Variants in SWAP70 observed in about 807,000 individuals in gnomAD.
The protein encoded by SWAP70 is switch-associated protein 70.
SWAP70 carries 34 observed loss-of-function variants against 80.2 expected under a neutral mutation model. The observed-to-expected ratio is 0.42, with a 90% CI of 0.32 to 0.56. The LOEUF (loss-of-function observed/expected upper bound fraction) is 0.56. SWAP70 is among the 20% of genes least tolerant of loss of function. The probability of loss-of-function intolerance (pLI) is 0.09; values close to 1 mark genes in which losing one functional copy is unlikely to be tolerated. For missense variants in SWAP70, 578 were observed against 690.7 expected (o/e 0.84, Z 1.83); for synonymous variants, 239 against 238.5 (o/e 1.00, Z -0.02).
chr11:9,749,778 G>A (rs79863114), intron 11 of SWAP70, 86 bp from the exon 12 acceptor site: 40,330 of 792,026 alleles, frequency 0.051, 4,373 homozygotes, highest in East Asian at 0.3. Flanking sequence ...ATAAAGTAGG[G>A]AAGTTACTAT....
intron 3 of SWAP70, chr11:9,720,003 A>G: frequency 1.1e-6 from 1 of 938,132 alleles, no homozygotes; most frequent in African/African-American, 1.8e-5. Flanking sequence ...TTTCTTTGTT[A>G]TTTTTGGTGA....
At chr11:9,666,037 TC>T (rs1206604374) in intron 1 of SWAP70, among the ~76,000 whole-genome samples, 1 of 151,556 alleles carries the variant, frequency 6.6e-6, no homozygotes, top group African/African-American at 2.4e-5. Context: ...TTTTTTTTTT[TC>T]CTCTCTTTTT....
chr11:9,725,567 A>T (rs1320819943), intron 4 of SWAP70, among the ~76,000 whole-genome samples: 901 of 17,214 alleles, frequency 0.052, 43 homozygotes, highest in African/African-American at 0.16. Flanking sequence ...ATATATATAT[A>T]TATTTTTTTT....
intron 3 of SWAP70, among the ~76,000 whole-genome samples, chr11:9,719,496 C>G (rs1054627082): frequency 6.6e-6 from 1 of 151,570 alleles, no homozygotes; most frequent in Non-Finnish European, 1.5e-5. Context: ...TGCAGTGAGC[C>G]GAGATCGTGC....
At chr11:9,687,357 C>T (rs1850645432) in intron 1 of SWAP70, among the ~76,000 whole-genome samples, 1 of 152,190 alleles carries the variant, frequency 6.6e-6, no homozygotes, top group Non-Finnish European at 1.5e-5. Flanking sequence ...TTAAAGGTCC[C>T]AGGAGTTCCA....
intron 2 of SWAP70, among the ~76,000 whole-genome samples, chr11:9,704,362 T>C (rs867523406): frequency 1.5e-4 from 21 of 139,702 alleles, no homozygotes; most frequent in Middle Eastern, 3.7e-3. Flanking sequence ...GACCTGCATC[T>C]TCCCTCTTTT....
chr11:9,732,198 G>A (rs1045590117), intron 6 of SWAP70, among the ~76,000 whole-genome samples: 1 of 152,202 alleles, frequency 6.6e-6, no homozygotes, highest in Non-Finnish European at 1.5e-5. Flanking sequence ...TCTTAAAAAT[G>A]TGTGCAATAT....
chr11:9,732,784 T>G, intron 7 of SWAP70, 74 bp downstream of exon 7: 1 of 1,386,566 alleles, frequency 7.2e-7, no homozygotes, highest in Non-Finnish European at 9.7e-7. Flanking sequence ...CTTAGGGGTG[T>G]TGGTTCTACC....
At position 9,704,744 on chromosome 11, in the gene SWAP70, T is replaced by C. The variant is rs143728682; in HGVS notation, c.241-8722T>C. ...GAGCATTTGCACATAACTGTTAGTC[T>C]GTCTTCCTCCTCGCACTAGAAGCTC... On this transcript the variant is annotated intron_variant, in intron 2 of 11. Coordinates refer to ENST00000318950, the MANE Select transcript of SWAP70 (RefSeq NM_015055.4). Among the ~76,000 whole-genome samples, 1,290 of 152,298 alleles carry C rather than the reference T, an allele frequency of 8.5e-3. 13 individuals carry two copies. Among genetic ancestry groups the C allele is most frequent in the Middle Eastern group, 0.034 (10 of 294 alleles).
At chr11:9,690,325 T>C (rs951847686) in intron 1 of SWAP70, among the ~76,000 whole-genome samples, 6 of 152,186 alleles carry the variant, frequency 3.9e-5, no homozygotes, top group African/African-American at 1.4e-4. Context: ...TTCACGCCTC[T>C]AATCCCAGCA....
At chr11:9,680,657 C>G (rs917691518) in intron 1 of SWAP70, among the ~76,000 whole-genome samples, 1 of 152,142 alleles carries the variant, frequency 6.6e-6, no homozygotes, top group Non-Finnish European at 1.5e-5. Context: ...CTCAGGTGAT[C>G]CACCCGCCAC....
rs766985574 is a variant in SWAP70, at chr11:9,750,285, G to A, written c.*315G>A. 12 of 212,536 alleles carry A rather than the reference G, an allele frequency of 5.6e-5. No individual in the cohort carries two copies. Among genetic ancestry groups the A allele is most frequent in the Non-Finnish European group, 1.1e-4 (11 of 102,166 alleles). The allele number at this position is 212,536 out of a possible 1,614,324, so 13.2% of individuals were successfully genotyped here. The stretch of plus-strand genomic sequence containing the variant: ...GAACGTGGGAGGCGGAGGTTGCAGC[G>A]AGCTGAGATCATGCCGTTGTACTCC... On this transcript the variant is annotated 3_prime_UTR_variant, in exon 12 of 12. Transcript: ENST00000318950.
Position 9,676,104 on chromosome 11 carries a change from C to G in SWAP70, c.99+11826C>G, listed in dbSNP as rs148196247. ...GTGGGGAAACAGACTTCCAGAAACA[C>G]ATTTTCTACTTGCTTTTAAACTTGT... On this transcript the variant is annotated intron_variant, in intron 1 of 11. Transcript: ENST00000318950. Among the ~76,000 whole-genome samples the G allele has an allele frequency of 9.8e-5, 15 of 152,344 alleles. 1 individual carries two copies. The highest frequency in any genetic ancestry group is 2.1e-4 in the Non-Finnish European group (14 of 68,028).
intron 1 of SWAP70, among the ~76,000 whole-genome samples, chr11:9,693,828 C>G (rs1319004501): frequency 4.6e-5 from 7 of 151,954 alleles, no homozygotes; most frequent in Admixed American, 2.6e-4. Flanking sequence ...GACTTCCCCC[C>G]CCACCCCACT....
At chr11:9,730,735 TA>T (rs1475533746) in intron 6 of SWAP70, among the ~76,000 whole-genome samples, 1 of 152,214 alleles carries the variant, frequency 6.6e-6, no homozygotes, top group Non-Finnish European at 1.5e-5. Context: ...TAGTTTTGGG[TA>T]ACTCAGGAAC....
chr11:9,672,937 CTG>C (rs1850437843), intron 1 of SWAP70, among the ~76,000 whole-genome samples: 2 of 152,148 alleles, frequency 1.3e-5, no homozygotes, highest in South Asian at 2.1e-4. Context: ...AACACACAAA[CTG>C]TTTTTTTCTC....
intron 2 of SWAP70, chr11:9,703,254 C>G: frequency 2.4e-6 from 1 of 423,760 alleles, no homozygotes; most frequent in Non-Finnish European, 4.8e-6. Context: ...TATCCTATAA[C>G]AATACTTCAT....
intron 8 of SWAP70, among the ~76,000 whole-genome samples, chr11:9,738,664 C>T (rs1008397122): frequency 4.9e-5 from 6 of 121,428 alleles, no homozygotes; most frequent in African/African-American, 1.6e-4. Flanking sequence ...CCCAGGAGTT[C>T]AAGACCAGCC....
chr11:9,740,139 G>C, intron 8 of SWAP70, 42 bp from the exon 9 acceptor site: 3 of 1,591,524 alleles, frequency 1.9e-6, no homozygotes, highest in South Asian at 2.3e-5. Context: ...CCCTGAGAAA[G>C]AAGTCAACCT....
Sources: gnomAD v4.1 joint callset for allele counts (sites outside exome capture counted in the v4.1 genomes callset) on GRCh38, gnomAD v4.1.1 for gene constraint, MANE v1.5 for transcripts, NCBI Gene and HGNC (gene_info 2026-07-23, HGNC 2026-07-21) for gene names.